The following PTPRD variants were observed in gnomAD, a reference collection of about 807,000 sequenced individuals.
PTPRD encodes protein tyrosine phosphatase receptor type D.
In PTPRD, 34 loss-of-function variants were observed where a neutral mutation model predicts 214.5. The ratio of observed to expected loss-of-function variants is 0.16; its 90% CI spans 0.12 to 0.21. The LOEUF (loss-of-function observed/expected upper bound fraction) is 0.21. Ranked by LOEUF, PTPRD falls within the 10% of genes least tolerant of loss-of-function variation. The probability of loss-of-function intolerance (pLI) is 1.00; values close to 1 mark genes in which losing one functional copy is unlikely to be tolerated. For synonymous variants in PTPRD, 1,128 were observed against 845.7 expected (o/e 1.33, Z -5.79); for missense variants, 2,545 against 2,398.7 (o/e 1.06, Z -1.27).
chr9:10,501,802 G>C (rs1427652444), intron 2 of PTPRD, among the ~76,000 whole-genome samples: 1 of 151,884 alleles, frequency 6.6e-6, no homozygotes, highest in Non-Finnish European at 1.5e-5. Flanking sequence ...CACTCTAATT[G>C]CTTTGTTGAC....
At chr9:9,879,509 A>G (rs987734905) in intron 5 of PTPRD, among the ~76,000 whole-genome samples, 3 of 152,226 alleles carry the variant, frequency 2.0e-5, no homozygotes, top group Non-Finnish European at 2.9e-5. Flanking sequence ...AATTAAATAG[A>G]GGGTAAATTC....
At chr9:10,294,896 C>T (rs1446951866) in intron 3 of PTPRD, among the ~76,000 whole-genome samples, 3 of 151,898 alleles carry the variant, frequency 2.0e-5, no homozygotes, top group Admixed American at 1.3e-4. Flanking sequence ...TTTTGGAACG[C>T]CACGTTTGTT....
At chr9:8,333,121 C>T (rs575020594) in intron 43 of PTPRD, among the ~76,000 whole-genome samples, 2 of 152,086 alleles carry the variant, frequency 1.3e-5, no homozygotes, top group Non-Finnish European at 2.9e-5. Flanking sequence ...GAAGATGACA[C>T]CAAGTGTGTG....
chr9:10,026,920 C>G (rs746601018), intron 4 of PTPRD, among the ~76,000 whole-genome samples: 1 of 150,786 alleles, frequency 6.6e-6, no homozygotes, highest in African/African-American at 2.4e-5. Context: ...CACCACTAAA[C>G]CTGCAGTGCT....
intron 8 of PTPRD, among the ~76,000 whole-genome samples, chr9:9,418,480 G>A (rs536600577): frequency 1.3e-5 from 2 of 152,056 alleles, no homozygotes; most frequent in South Asian, 4.1e-4. Context: ...TCATTAACAT[G>A]GGGACTGGCA....
intron 11 of PTPRD, among the ~76,000 whole-genome samples, chr9:8,802,036 A>T (rs189934120): frequency 3.5e-4 from 53 of 152,280 alleles, no homozygotes; most frequent in African/African-American, 1.3e-3. Context: ...ATTATCGCCA[A>T]TCTGAAACTT....
intron 2 of PTPRD, among the ~76,000 whole-genome samples, chr9:10,479,659 A>AAATAAAT (rs1555402928): frequency 1.9e-5 from 1 of 52,792 alleles, no homozygotes; most frequent in Non-Finnish European, 4.9e-5. Flanking sequence ...ATAAATAAAT[A>AAATAAAT]AACAAAAATA....
chr9:8,856,714 G>C (rs1256067827), intron 11 of PTPRD, among the ~76,000 whole-genome samples: 1 of 152,208 alleles, frequency 6.6e-6, no homozygotes, highest in Non-Finnish European at 1.5e-5. Flanking sequence ...AACAATAAAA[G>C]TGGATTGTGA....
intron 3 of PTPRD, among the ~76,000 whole-genome samples, chr9:10,168,690 G>T (rs765611010): frequency 6.6e-6 from 1 of 152,132 alleles, no homozygotes; most frequent in Non-Finnish European, 1.5e-5. Context: ...AAAGAAAATA[G>T]ATCTGTCACT....
intron 6 of PTPRD, among the ~76,000 whole-genome samples, chr9:9,761,096 T>C (rs2098651538): frequency 6.6e-6 from 1 of 152,216 alleles, no homozygotes; most frequent in South Asian, 2.1e-4. Context: ...AAAACACGTA[T>C]ACAAATGCTT....
At chr9:9,456,081 ACT>A (rs2092956927) in intron 8 of PTPRD, among the ~76,000 whole-genome samples, 1 of 151,872 alleles carries the variant, frequency 6.6e-6, no homozygotes, top group South Asian at 2.1e-4. Flanking sequence ...GAAATATAAC[ACT>A]TTTTCCAATA....
intron 4 of PTPRD, among the ~76,000 whole-genome samples, chr9:9,970,860 G>A (rs575627830): frequency 6.6e-6 from 1 of 152,286 alleles, no homozygotes; most frequent in African/African-American, 2.4e-5. Context: ...CTGGAACATG[G>A]CGCTAATTTA....
chr9:10,071,719 G>C (rs1164166092), intron 3 of PTPRD, among the ~76,000 whole-genome samples: 2 of 151,862 alleles, frequency 1.3e-5, no homozygotes, highest in African/African-American at 4.8e-5. Context: ...ACTTGATTTG[G>C]TGATGAGTGT....
chr9:9,533,305 G>T (rs546458037), intron 8 of PTPRD, among the ~76,000 whole-genome samples: 1 of 152,056 alleles, frequency 6.6e-6, no homozygotes, highest in Non-Finnish European at 1.5e-5. Flanking sequence ...TGACTTTCAG[G>T]TAGGTCTCTA....
chr9:8,863,035 G>C (rs899489672), intron 11 of PTPRD, among the ~76,000 whole-genome samples: 3 of 152,014 alleles, frequency 2.0e-5, no homozygotes, highest in Non-Finnish European at 2.9e-5. Flanking sequence ...CCTGCACAAT[G>C]TGTACATGTA....
chr9:8,690,156 C>G (rs973349001), intron 12 of PTPRD, among the ~76,000 whole-genome samples: 1 of 150,674 alleles, frequency 6.6e-6, no homozygotes, highest in East Asian at 2.0e-4. Context: ...CCTAACAATT[C>G]TAACTCCTTC....
intron 2 of PTPRD, among the ~76,000 whole-genome samples, chr9:10,367,568 A>T (rs2097538334): frequency 6.6e-6 from 1 of 152,182 alleles, no homozygotes; most frequent in South Asian, 2.1e-4. Flanking sequence ...CAAAAGCAAA[A>T]TAAAAGTGCA....
At chr9:9,359,281 G>T (rs2055063675) in intron 9 of PTPRD, among the ~76,000 whole-genome samples, 1 of 151,182 alleles carries the variant, frequency 6.6e-6, no homozygotes, top group African/African-American at 2.4e-5. Flanking sequence ...ATGTGGCTTT[G>T]GGCTATTTTT....
intron 9 of PTPRD, among the ~76,000 whole-genome samples, chr9:9,293,076 A>G (rs907721145): frequency 7.3e-5 from 11 of 151,536 alleles, no homozygotes; most frequent in African/African-American, 2.2e-4. Flanking sequence ...CACGTTGGAA[A>G]GAAGTTACTG....
Sources: gnomAD v4.1 joint callset for allele counts (sites outside exome capture counted in the v4.1 genomes callset) on GRCh38, gnomAD v4.1.1 for gene constraint, MANE v1.5 for transcripts, NCBI Gene and HGNC (gene_info 2026-07-23, HGNC 2026-07-21) for gene names.